Variants in TMCC1 observed in about 807,000 individuals in gnomAD.
TMCC1 encodes transmembrane and coiled-coil domains protein 1.
A neutral mutation model predicts 52.4 loss-of-function variants in TMCC1; 15 were observed. The observed-to-expected ratio is 0.29, with a 90% CI of 0.19 to 0.44. TMCC1 has a LOEUF of 0.44. Ranked by LOEUF, TMCC1 falls within the 20% of genes least tolerant of loss-of-function variation. TMCC1 has a pLI of 1.00. For synonymous variants in TMCC1, 279 were observed against 301.9 expected, an observed-to-expected ratio of 0.92 and a Z score of 0.79; for missense variants, 503 against 806.0, an observed-to-expected ratio of 0.62 and a Z score of 4.55.
intron 1 of TMCC1, among the ~76,000 whole-genome samples, chr3:129,886,758 G>A (rs2108010345): frequency 6.6e-6 from 1 of 151,714 alleles, no homozygotes; most frequent in Admixed American, 6.6e-5. Flanking sequence ...TGGCCAACAT[G>A]GTGAAACCGT....
chr3:129,799,001 T>C (rs190663453), intron 4 of TMCC1, among the ~76,000 whole-genome samples: 2 of 152,304 alleles, frequency 1.3e-5, no homozygotes, highest in Non-Finnish European at 2.9e-5. Flanking sequence ...ATTTATGTAG[T>C]TATTTACAAA....
chr3:129,846,158 A>C (rs2059656440), intron 2 of TMCC1, among the ~76,000 whole-genome samples: 1 of 152,046 alleles, frequency 6.6e-6, no homozygotes, highest in Non-Finnish European at 1.5e-5. Flanking sequence ...CGTTGGGGGA[A>C]AAATTCTCTT....
chr3:129,790,000 T>C (rs991166663), intron 4 of TMCC1, among the ~76,000 whole-genome samples: 3 of 152,278 alleles, frequency 2.0e-5, no homozygotes, highest in Admixed American at 6.5e-5. Flanking sequence ...CCAAGACATA[T>C]TGGTAGGATT....
chr3:129,822,102 TA>T (rs749092657), intron 4 of TMCC1, among the ~76,000 whole-genome samples: 139 of 152,276 alleles, frequency 9.1e-4, no homozygotes, highest in Middle Eastern at 3.4e-3. Context: ...TATGAGGCCT[TA>T]TTTTTTAGGC....
chr3:129,654,619 A>G (rs2086555454), intron 6 of TMCC1, among the ~76,000 whole-genome samples: 1 of 152,184 alleles, frequency 6.6e-6, no homozygotes, highest in Non-Finnish European at 1.5e-5. Context: ...GCTGGAATAA[A>G]AGCCCCCTTT....
At chr3:129,676,632 G>A (rs1378038345) in intron 4 of TMCC1, among the ~76,000 whole-genome samples, 1 of 152,174 alleles carries the variant, frequency 6.6e-6, no homozygotes, top group Non-Finnish European at 1.5e-5. Flanking sequence ...AGATGAAAGT[G>A]TCAGAACACA....
At chr3:129,695,854 T>C (rs1191809628) in intron 4 of TMCC1, among the ~76,000 whole-genome samples, 3 of 152,180 alleles carry the variant, frequency 2.0e-5, no homozygotes, top group Non-Finnish European at 2.9e-5. Flanking sequence ...CTAAGGAGTT[T>C]CAGGAGTCAT....
In TMCC1 at chr3:129,737,845, T is replaced by G. The variant is rs563317116; in HGVS notation, c.577-66581A>C. On this transcript the variant is annotated intron_variant, in intron 4 of 6. Coordinates refer to ENST00000393238, the MANE Select transcript of TMCC1 (RefSeq NM_001017395.5). The stretch of plus-strand genomic sequence containing the variant: ...TCTAATATTCAATGATATTAAAAAG[T>G]TGACCACTTAAAATAGTTCCACTGT... Among the ~76,000 whole-genome samples the G allele has an allele frequency of 2.6e-5, 4 of 152,346 alleles. No homozygotes were observed. The South Asian group carries it at 8.3e-4, about 32-fold the overall frequency.
intron 4 of TMCC1, among the ~76,000 whole-genome samples, chr3:129,817,077 C>A (rs1310083564): frequency 6.6e-6 from 1 of 151,482 alleles, no homozygotes; most frequent in African/African-American, 2.4e-5. Context: ...ATAGATATCC[C>A]AGTTACATTG....
chr3:129,738,640 G>A (rs1156391268), intron 4 of TMCC1, among the ~76,000 whole-genome samples: 2 of 152,174 alleles, frequency 1.3e-5, no homozygotes, highest in Non-Finnish European at 2.9e-5. Flanking sequence ...GCTAGCTACT[G>A]CAAGTGAACA....
intron 4 of TMCC1, chr3:129,688,727 T>G: frequency 1.0e-6 from 1 of 985,450 alleles, no homozygotes. Context: ...GAGCAGCTAA[T>G]GCAAATGAAT....
At chr3:129,718,013 A>G (rs2049241121) in intron 4 of TMCC1, among the ~76,000 whole-genome samples, 1 of 152,174 alleles carries the variant, frequency 6.6e-6, no homozygotes, top group African/African-American at 2.4e-5. Context: ...TTTCCAATAT[A>G]TTGGAAAATA....
chr3:129,769,031 A>G (rs767714318), intron 4 of TMCC1, among the ~76,000 whole-genome samples: 2 of 152,230 alleles, frequency 1.3e-5, no homozygotes, highest in Admixed American at 6.5e-5. Context: ...ACTTGACAGC[A>G]TACTTTAGAT....
intron 2 of TMCC1, among the ~76,000 whole-genome samples, chr3:129,871,589 G>A (rs572554894): frequency 1.1e-4 from 16 of 152,024 alleles, no homozygotes; most frequent in African/African-American, 3.9e-4. Flanking sequence ...TTACAATCCC[G>A]TGTAACCACA....
intron 4 of TMCC1, among the ~76,000 whole-genome samples, chr3:129,816,250 G>C (rs986905661): frequency 6.6e-6 from 1 of 152,090 alleles, no homozygotes; most frequent in African/African-American, 2.4e-5. Flanking sequence ...CAAAAGAAAA[G>C]AAATCAAGAT....
chr3:129,724,060 T>C (rs957315760), intron 4 of TMCC1, among the ~76,000 whole-genome samples: 1 of 152,104 alleles, frequency 6.6e-6, no homozygotes, highest in Non-Finnish European at 1.5e-5. Context: ...GAACATGTTG[T>C]ACTGTGGCAT....
chr3:129,756,527 T>C (rs1031330530), intron 4 of TMCC1, among the ~76,000 whole-genome samples: 4 of 152,126 alleles, frequency 2.6e-5, no homozygotes, highest in Middle Eastern at 3.4e-3. Flanking sequence ...GCCTCCCGAG[T>C]AGCTGGGACT....
At chr3:129,680,223 A>G (rs886502367) in intron 4 of TMCC1, among the ~76,000 whole-genome samples, 9 of 152,150 alleles carry the variant, frequency 5.9e-5, no homozygotes, top group African/African-American at 2.2e-4. Flanking sequence ...ATAGACAGAC[A>G]TTTTCTGAGA....
intron 4 of TMCC1, among the ~76,000 whole-genome samples, chr3:129,715,123 T>TC (rs1368276205): frequency 2.0e-5 from 3 of 152,176 alleles, no homozygotes; most frequent in African/African-American, 4.8e-5. Context: ...TCCTTTTTTT[T>TC]CTCACTCTTA....
Sources: gnomAD v4.1 joint callset for allele counts (sites outside exome capture counted in the v4.1 genomes callset) on GRCh38, gnomAD v4.1.1 for gene constraint, MANE v1.5 for transcripts, NCBI Gene and HGNC (gene_info 2026-07-23, HGNC 2026-07-21) for gene names.